The following CNTNAP2 variants were observed in gnomAD, a reference collection of about 807,000 sequenced individuals.
CNTNAP2 encodes the protein contactin-associated protein-like 2.
A neutral mutation model predicts 155.2 loss-of-function variants in CNTNAP2; 98 were observed. That is an observed-to-expected ratio of 0.63 (90% confidence interval 0.54 to 0.75). CNTNAP2 has a LOEUF of 0.75. Ranked by LOEUF, CNTNAP2 falls within the 30% of genes least tolerant of loss-of-function variation. The probability of loss-of-function intolerance (pLI) is 0.00; values close to 1 mark genes in which losing one functional copy is unlikely to be tolerated. For synonymous variants in CNTNAP2, 651 were observed against 631.2 expected, an observed-to-expected ratio of 1.03 and a Z score of -0.47; for missense variants, 1,727 against 1,688.1, an observed-to-expected ratio of 1.02 and a Z score of -0.40.
At chr7:147,674,661 A>G (rs1795839835) in intron 13 of CNTNAP2, among the ~76,000 whole-genome samples, 2 of 152,190 alleles carry the variant, frequency 1.3e-5, no homozygotes, top group African/African-American at 4.8e-5. Flanking sequence ...TCAAGAGATT[A>G]TCTTCATCAT....
chr7:146,988,369 T>C (rs1309943043), intron 3 of CNTNAP2, among the ~76,000 whole-genome samples: 3 of 152,134 alleles, frequency 2.0e-5, no homozygotes, highest in African/African-American at 4.8e-5. Context: ...ATATGTTTTC[T>C]ATCTTATTTT....
At chr7:147,510,521 A>G (rs1798995055) in intron 11 of CNTNAP2, among the ~76,000 whole-genome samples, 1 of 151,872 alleles carries the variant, frequency 6.6e-6, no homozygotes, top group South Asian at 2.1e-4. Context: ...ATCATTTCAG[A>G]TTCTTTGGTT....
At chr7:147,457,804 C>T (rs1468906806) in intron 10 of CNTNAP2, among the ~76,000 whole-genome samples, 1 of 151,684 alleles carries the variant, frequency 6.6e-6, no homozygotes, top group Non-Finnish European at 1.5e-5. Flanking sequence ...AAATACTAAG[C>T]AATATCTATG....
Position 148,118,200 on chromosome 7 carries a change from C to T in CNTNAP2, c.2466C>T (p.Asp822=). 1.2e-6 allele frequency: 2 copies of T among 1,614,164 alleles called. No individual in the cohort carries two copies. The highest frequency in any genetic ancestry group is 1.7e-6 in the Non-Finnish European group (2 of 1,180,014). ...CTTTCCAAGGGGAAACTAGCGCTGA[C>T]ATTTCTTTCTACTTCAAAACATTAA... ...FSTFQGETSA[D]ISFYFKTLTP... Residue 822 remains aspartate, a synonymous_variant, in exon 16 of 24, where the codon GAC becomes GAT. Transcript: ENST00000361727.
intron 8 of CNTNAP2, among the ~76,000 whole-genome samples, chr7:147,224,506 A>T (rs996742743): frequency 1.3e-5 from 2 of 152,216 alleles, no homozygotes; most frequent in African/African-American, 4.8e-5. Context: ...CTACCGTAAC[A>T]GTGTGACACT....
chr7:147,324,211 T>A lies in CNTNAP2; in HGVS notation c.1498+23921T>A, dbSNP rs549461712. Reference sequence around the variant, plus strand: ...CAAGGTTCAGGAGAGCAGGAGCTACTCTTGATTTTGTTTATCCCAGTACAC... The same window carrying A: ...CAAGGTTCAGGAGAGCAGGAGCTACACTTGATTTTGTTTATCCCAGTACAC... On this transcript the variant is annotated intron_variant, in intron 9 of 23. Transcript: ENST00000361727. Among the ~76,000 whole-genome samples the A allele has an allele frequency of 5.3e-5, 8 of 152,278 alleles. No homozygotes were observed. The East Asian group carries it at 1.5e-3, about 29-fold the overall frequency.
At chr7:147,889,797 A>C (rs571019601) in intron 13 of CNTNAP2, among the ~76,000 whole-genome samples, 82 of 152,330 alleles carry the variant, frequency 5.4e-4, no homozygotes, top group African/African-American at 1.9e-3. Context: ...GCGTGTGGCT[A>C]TTGGTTACCT....
chr7:146,991,038 AC>A (rs1798199778), intron 3 of CNTNAP2, among the ~76,000 whole-genome samples: 2 of 152,082 alleles, frequency 1.3e-5, no homozygotes, highest in South Asian at 4.1e-4. Context: ...TCCAGTGCCT[AC>A]TGGTTTCAGT....
chr7:147,080,679 CAT>C (rs981053635), intron 4 of CNTNAP2, among the ~76,000 whole-genome samples: 4 of 146,680 alleles, frequency 2.7e-5, no homozygotes, highest in African/African-American at 7.5e-5. Flanking sequence ...ATATATATAA[CAT>C]ATATATCTAT....
At chr7:147,532,890 A>G (rs1056436127) in intron 11 of CNTNAP2, among the ~76,000 whole-genome samples, 1 of 152,178 alleles carries the variant, frequency 6.6e-6, no homozygotes, top group South Asian at 2.1e-4. Flanking sequence ...CTCCCACAAC[A>G]TGTGGGAATT....
At chr7:146,876,726 G>A (rs1449861364) in intron 3 of CNTNAP2, among the ~76,000 whole-genome samples, 1 of 152,084 alleles carries the variant, frequency 6.6e-6, no homozygotes, top group African/African-American at 2.4e-5. Context: ...ACAATAATGT[G>A]TATTGTTGAT....
chr7:148,355,128 A>C (rs1798488831), intron 21 of CNTNAP2, among the ~76,000 whole-genome samples: 1 of 149,768 alleles, frequency 6.7e-6, no homozygotes, highest in Non-Finnish European at 1.5e-5. Flanking sequence ...ACAGAATCCA[A>C]ATAAAGGAAA....
At chr7:146,342,366 C>T (rs1324752280) in intron 1 of CNTNAP2, among the ~76,000 whole-genome samples, 3 of 152,130 alleles carry the variant, frequency 2.0e-5, no homozygotes, top group Non-Finnish European at 4.4e-5. Flanking sequence ...ATCAAAAGCT[C>T]TTCAAAAATA....
intron 1 of CNTNAP2, among the ~76,000 whole-genome samples, chr7:146,191,793 T>C (rs1358070324): frequency 6.6e-6 from 1 of 152,212 alleles, no homozygotes; most frequent in Non-Finnish European, 1.5e-5. Flanking sequence ...ACCTAATGGT[T>C]ATCTCCCTTG....
At chr7:146,423,029 G>A (rs1474108230) in intron 1 of CNTNAP2, among the ~76,000 whole-genome samples, 1 of 152,038 alleles carries the variant, frequency 6.6e-6, no homozygotes, top group Non-Finnish European at 1.5e-5. Context: ...CTGGCCTCTT[G>A]CAAAATGTAC....
At chr7:147,635,166 G>T (rs1795154465) in intron 12 of CNTNAP2, among the ~76,000 whole-genome samples, 2 of 137,678 alleles carry the variant, frequency 1.5e-5, no homozygotes, top group South Asian at 4.2e-4. Context: ...TTTTCTCCCA[G>T]CCATTATCAC....
At chr7:148,126,578 A>C (rs996782458) in intron 16 of CNTNAP2, among the ~76,000 whole-genome samples, 3 of 152,220 alleles carry the variant, frequency 2.0e-5, no homozygotes, top group Non-Finnish European at 4.4e-5. Context: ...TGTAGGTTGT[A>C]TCAAAAGGCT....
At chr7:146,457,471 T>C (rs1796571770) in intron 1 of CNTNAP2, among the ~76,000 whole-genome samples, 1 of 94,270 alleles carries the variant, frequency 1.1e-5, no homozygotes, top group Non-Finnish European at 2.2e-5. Flanking sequence ...CATTTATAGC[T>C]TCAAAAATGA....
Position 146,323,933 on chromosome 7 carries a change from C to T in CNTNAP2, c.97+206960C>T, listed in dbSNP as rs115238090. 6.7e-3 allele frequency among the ~76,000 whole-genome samples: 1,016 copies of T among 152,214 alleles called. 13 individuals are homozygous for T. Among genetic ancestry groups the T allele is most frequent in the African/African-American group, 0.023 (971 of 41,518 alleles). On this transcript the variant is annotated intron_variant, in intron 1 of 23. Coordinates refer to ENST00000361727, the MANE Select transcript of CNTNAP2 (RefSeq NM_014141.6). ...GTTTATCTTTGATGTAATGGACATC[C>T]CTTTCTATTCTCCCCAGATTCTTTT...
Sources: allele counts gnomAD v4.1 joint callset (sites outside exome capture counted in the v4.1 genomes callset), GRCh38; gene constraint gnomAD v4.1.1; transcripts MANE v1.5; gene names NCBI Gene and HGNC (gene_info 2026-07-23, HGNC 2026-07-21).